Variants in SLC7A10 observed in about 807,000 individuals in gnomAD.
The protein encoded by SLC7A10 is solute carrier family 7 member 10, also known as asc-type amino acid transporter 1.
Under a neutral mutation model 52.7 loss-of-function variants are expected in SLC7A10, and 30 were observed. The observed-to-expected ratio is 0.57, with a 90% confidence interval of 0.43 to 0.77. The LOEUF (loss-of-function observed/expected upper bound fraction) is 0.77. SLC7A10 is among the 30% of genes least tolerant of loss of function. The probability of loss-of-function intolerance (pLI) is 0.00; values close to 1 mark genes in which losing one functional copy is unlikely to be tolerated. For missense variants in SLC7A10, 581 were observed against 698.5 expected (o/e 0.83, Z 1.90); for synonymous variants, 318 against 314.9 (o/e 1.01, Z -0.10).
At chr19:33,213,455 A>AT (rs1167772459) in intron 2 of SLC7A10, among the ~76,000 whole-genome samples, 1 of 151,638 alleles carries the variant, frequency 6.6e-6, no homozygotes, top group Non-Finnish European at 1.5e-5. Context: ...TGCCTGGCAA[A>AT]TTTTTTGTAT....
chr19:33,224,052 G>T (rs1446602227), intron 1 of SLC7A10, among the ~76,000 whole-genome samples: 1 of 151,980 alleles, frequency 6.6e-6, no homozygotes, highest in Non-Finnish European at 1.5e-5. Context: ...AGGATGGGAT[G>T]TGGGGAGGGG....
chr19:33,218,574 G>A (rs1974738977), intron 1 of SLC7A10, among the ~76,000 whole-genome samples: 1 of 151,720 alleles, frequency 6.6e-6, no homozygotes, highest in Non-Finnish European at 1.5e-5. Context: ...TGCGGGCTTG[G>A]GCACGGAGGA....
rs375853672 is a variant in SLC7A10 at position 33,211,458 on chromosome 19, C to T, written c.868G>A (p.Ala290Thr). 2.5e-6 allele frequency: 4 copies of T among 1,613,962 alleles called. No individual in the cohort carries two copies. Among genetic ancestry groups the T allele is most frequent in the Non-Finnish European group, 3.4e-6 (4 of 1,180,020 alleles). Residue 290 changes from alanine to threonine, a missense_variant, in exon 6 of 11, where the codon GCC becomes ACC. Ala to Thr is a moderately conservative substitution (Grantham distance 58, BLOSUM62 0). Transcript: ENST00000253188. ...GAGAGCAGCTCCTGGGGGGACATGG[C>T]CGTGAAGTAGGCAATGTTGGTGAAC... The part of the protein sequence containing the change: ...YTFTNIAYFT[A>T]MSPQELLSSN...
intron 5 of SLC7A10, 39 bp from the exon 6 acceptor site, chr19:33,211,576 G>T (rs774519182): frequency 6.2e-7 from 1 of 1,613,410 alleles, no homozygotes. Flanking sequence ...GTCAGCTCCT[G>T]AGGGTGCAGG....
At position 33,210,342 on chromosome 19, in the gene SLC7A10, C is replaced by CAGTGT; in HGVS notation, c.1263+124_1263+125insACACT. On this transcript the variant is annotated intron_variant, in intron 9 of 10. Transcript: ENST00000253188. This position sits in a 1 kb window ranked among gnomAD's most constrained non-coding sequence, Gnocchi z 5.6. ...TGGCTGCCTCAGTGCACAGAGAGCC[C>CAGTGT]TGAGCAGGGCCCAACACTCCACAAA... 1 of 1,241,748 alleles carries CAGTGT rather than the reference C, an allele frequency of 8.1e-7. No homozygotes were observed. The highest frequency in any genetic ancestry group is 1.1e-6 in the Non-Finnish European group (1 of 893,600). The allele number at this position is 1,241,748 out of a possible 1,614,324, so 76.9% of individuals were successfully genotyped here.
intron 1 of SLC7A10, among the ~76,000 whole-genome samples, chr19:33,221,430 T>C (rs67719147): frequency 0.21 from 32,542 of 152,122 alleles, 3,662 homozygotes; most frequent in Non-Finnish European, 0.25. Flanking sequence ...TGCCCAGGAC[T>C]GACAGGTCCC....
At chr19:33,215,664 C>T in intron 2 of SLC7A10, 105 bp downstream of exon 2, 3 of 1,285,688 alleles carry the variant, frequency 2.3e-6, no homozygotes, top group East Asian at 5.2e-5. Context: ...ACCCCCACGA[C>T]CTCCCTAGGA....
rs775178584 is a variant in SLC7A10 at position 33,211,343 on chromosome 19, T to G, written c.913-15A>C. Reference sequence around the variant, plus strand: ...TCCCCGAAGGTCTGGGTGGGCACAGTAGAGAGGCCATGTGTAAGGCCGGGG... The same window carrying G: ...TCCCCGAAGGTCTGGGTGGGCACAGGAGAGAGGCCATGTGTAAGGCCGGGG... On this transcript the variant is annotated splice_polypyrimidine_tract_variant and intron_variant, in intron 6 of 10. Transcript: ENST00000253188. 1.9e-6 allele frequency: 3 copies of G among 1,613,170 alleles called. No individual in the cohort carries two copies. The highest frequency in any genetic ancestry group is 1.7e-5 in the Admixed American group (1 of 59,964).
intron 1 of SLC7A10, among the ~76,000 whole-genome samples, chr19:33,217,031 C>T (rs1974701501): frequency 6.6e-6 from 1 of 150,900 alleles, no homozygotes; most frequent in Admixed American, 6.6e-5. Flanking sequence ...TATTACCACA[C>T]CCAGGTTTTT....
At chr19:33,212,480 C>T (rs1370275305) in intron 4 of SLC7A10, 34 bp downstream of exon 4, 1 of 1,613,964 alleles carries the variant, frequency 6.2e-7, no homozygotes, top group Non-Finnish European at 8.5e-7. Context: ...AGCACCATCT[C>T]CCCAGCCCGG....
chr19:33,216,283 C>T (rs868705166), intron 1 of SLC7A10, among the ~76,000 whole-genome samples: 2 of 152,314 alleles, frequency 1.3e-5, no homozygotes, highest in Non-Finnish European at 2.9e-5. Context: ...CCCCGTGAGG[C>T]GGGGCCAGCA....
chr19:33,214,469 C>T (rs1974625778), intron 2 of SLC7A10, among the ~76,000 whole-genome samples: 1 of 152,240 alleles, frequency 6.6e-6, no homozygotes, highest in South Asian at 2.1e-4. Context: ...TAGAATCTGC[C>T]TGTACCTTTG....
In SLC7A10 at chr19:33,210,441, C is replaced by A; in HGVS notation, c.1263+26G>T. 6.4e-7 allele frequency: 1 copy of A among 1,562,382 alleles called. No homozygotes were observed. The highest frequency in any genetic ancestry group is 1.2e-5 in the South Asian group (1 of 86,658). On this transcript the variant is annotated intron_variant, in intron 9 of 10. Coordinates refer to ENST00000253188, the MANE Select transcript of SLC7A10 (RefSeq NM_019849.3). This position sits in a 1 kb window ranked among gnomAD's most constrained non-coding sequence, Gnocchi z 5.6. ...GGGGTGGCTCTGGCAGCACCCGGCA[C>A]AGGGCCAGCTGTCCCAGGGCCTCAC...
rs774316003 is a variant in SLC7A10, at chr19:33,211,255, C to T, written c.986G>A (p.Gly329Glu). ...PVSVALSTFG[G>E]INGYLFTYSR... ...GTAGGTGAACAGGTAACCATTGATC[C>T]CTCCGAAGGTTGACAGAGCCACGGA... The change falls in exon 7 of 11, where the codon GGG becomes GAG. Residue 329 changes from glycine to glutamate, a missense_variant. Transcript: ENST00000253188. The T allele has an allele frequency of 1.9e-6, 3 of 1,614,018 alleles. No homozygotes were observed. The highest frequency in any genetic ancestry group is 3.3e-5 in the Admixed American group (2 of 60,028).
intron 1 of SLC7A10, chr19:33,219,918 C>T (rs1227152369): frequency 5.3e-5 from 8 of 152,238 alleles, no homozygotes; most frequent in Admixed American, 5.2e-4. Context: ...ACATCAGAGG[C>T]CATGGGAAGT....
chr19:33,215,642 TTCTCTCCATCCACCCCC>T, intron 2 of SLC7A10, 110 bp downstream of exon 2: 1 of 486,798 alleles, frequency 2.1e-6, no homozygotes, highest in Non-Finnish European at 2.8e-6. Flanking sequence ...CCCCCACACC[TTCTCTCCATCCACCCCC>T]ACGACCTCCC....
At chr19:33,216,880 T>A (rs773699228) in intron 1 of SLC7A10, among the ~76,000 whole-genome samples, 2 of 148,854 alleles carry the variant, frequency 1.3e-5, no homozygotes, top group African/African-American at 2.5e-5. Context: ...GTGCCCAGCT[T>A]CTTTCTTTCA....
intron 1 of SLC7A10, chr19:33,220,806 A>G (rs1368400209): frequency 6.6e-6 from 1 of 152,172 alleles, no homozygotes; most frequent in Non-Finnish European, 1.5e-5. Context: ...AAATGGCAAA[A>G]CGTCCTCCCA....
At chr19:33,211,048 T>C in intron 7 of SLC7A10, 150 bp from the exon 8 acceptor site, 1 of 967,632 alleles carries the variant, frequency 1.0e-6, no homozygotes, top group Non-Finnish European at 1.6e-6. Flanking sequence ...TGCCTGCCTC[T>C]TGCTTTCTTT....
Sources: allele counts gnomAD v4.1 joint callset (sites outside exome capture counted in the v4.1 genomes callset), GRCh38; gene constraint gnomAD v4.1.1; non-coding constraint Gnocchi (gnomAD v3.1); transcripts MANE v1.5; gene names NCBI Gene and HGNC (gene_info 2026-07-23, HGNC 2026-07-21).